The following PSD3 variants were observed in gnomAD, a reference collection of about 807,000 sequenced individuals.
PSD3 encodes the protein pleckstrin and Sec7 domain containing 3.
PSD3 carries 49 observed loss-of-function variants against 105.5 expected under a neutral mutation model. The observed-to-expected ratio is 0.46, with a 90% CI of 0.37 to 0.59. The LOEUF is 0.59. PSD3 is among the 20% of genes least tolerant of loss of function. PSD3 has a pLI of 0.00. For synonymous variants in PSD3, 557 were observed against 457.8 expected (o/e 1.22, Z -2.77); for missense variants, 1,561 against 1,263.8 (o/e 1.24, Z -3.57).
intron 9 of PSD3, among the ~76,000 whole-genome samples, chr8:18,700,527 T>C (rs1801516583): frequency 1.3e-5 from 2 of 152,124 alleles, no homozygotes; most frequent in South Asian, 4.2e-4. Flanking sequence ...AAAACAATAT[T>C]TGAGAAAATC....
At chr8:18,974,296 A>C (rs1824809522) in intron 1 of PSD3, among the ~76,000 whole-genome samples, 1 of 152,092 alleles carries the variant, frequency 6.6e-6, no homozygotes, top group Admixed American at 6.5e-5. Context: ...ATTCAAACCA[A>C]CCTCTGAGTT....
chr8:18,605,241 C>T (rs1285838722), intron 11 of PSD3, among the ~76,000 whole-genome samples: 1 of 152,160 alleles, frequency 6.6e-6, no homozygotes, highest in Non-Finnish European at 1.5e-5. Flanking sequence ...ACAGAGCTGT[C>T]CAATGCTGTG....
At chr8:18,949,514 A>C (rs1254523099) in intron 1 of PSD3, among the ~76,000 whole-genome samples, 1 of 151,968 alleles carries the variant, frequency 6.6e-6, no homozygotes, top group Non-Finnish European at 1.5e-5. Flanking sequence ...TTCTGTAAGA[A>C]ATACATGTCC....
intron 9 of PSD3, among the ~76,000 whole-genome samples, chr8:18,694,365 C>A (rs1277585272): frequency 6.6e-6 from 1 of 152,212 alleles, no homozygotes; most frequent in Admixed American, 6.5e-5. Context: ...AATCCCAGCA[C>A]TTTAGAAGGC....
At chr8:18,755,244 C>T (rs889785203) in intron 9 of PSD3, among the ~76,000 whole-genome samples, 3 of 152,000 alleles carry the variant, frequency 2.0e-5, no homozygotes, top group East Asian at 3.9e-4. Context: ...GCCTGGTCAA[C>T]ATGGTGAAAC....
chr8:18,577,366 T>G (rs1030949722), intron 12 of PSD3, among the ~76,000 whole-genome samples: 3 of 152,078 alleles, frequency 2.0e-5, no homozygotes, highest in African/African-American at 7.2e-5. Flanking sequence ...TACAAAAAAT[T>G]TATTCTTTGA....
chr8:18,589,721 C>A (rs1803456484), intron 12 of PSD3, among the ~76,000 whole-genome samples: 1 of 152,116 alleles, frequency 6.6e-6, no homozygotes, highest in Non-Finnish European at 1.5e-5. Context: ...CAAGAAGCAG[C>A]CCTGAAATGA....
chr8:18,697,542 C>A (rs536958415), intron 9 of PSD3, among the ~76,000 whole-genome samples: 1 of 152,090 alleles, frequency 6.6e-6, no homozygotes, highest in Non-Finnish European at 1.5e-5. Context: ...TATCAGAAGT[C>A]AACTTGGGAA....
At chr8:18,717,975 C>T (rs1002458286) in intron 9 of PSD3, among the ~76,000 whole-genome samples, 57 of 152,130 alleles carry the variant, frequency 3.7e-4, no homozygotes, top group African/African-American at 1.3e-3. Context: ...GCTTCCAAGA[C>T]GGCACCCAGC....
chr8:19,044,293 C>T (rs149653577), intron 1 of PSD3, among the ~76,000 whole-genome samples: 1 of 152,290 alleles, frequency 6.6e-6, no homozygotes, highest in Non-Finnish European at 1.5e-5. Flanking sequence ...TCTCCTCAAT[C>T]CACGCTATTT....
At chr8:18,797,106 G>A (rs749918584) in intron 8 of PSD3, among the ~76,000 whole-genome samples, 1 of 152,016 alleles carries the variant, frequency 6.6e-6, no homozygotes, top group African/African-American at 2.4e-5. Flanking sequence ...AGAGGAGAAA[G>A]ATAGAAGAAA....
At chr8:19,037,894 C>A (rs1043579368) in intron 1 of PSD3, among the ~76,000 whole-genome samples, 1 of 150,016 alleles carries the variant, frequency 6.7e-6, no homozygotes, top group Non-Finnish European at 1.5e-5. Context: ...AATCTCTCTA[C>A]ATATATTTAA....
At chr8:18,594,994 T>C (rs1803983839) in intron 12 of PSD3, among the ~76,000 whole-genome samples, 1 of 152,076 alleles carries the variant, frequency 6.6e-6, no homozygotes, top group South Asian at 2.1e-4. Flanking sequence ...AATGCTTTAA[T>C]GTTGTAATAG....
chr8:18,860,174 G>C (rs1816333700), intron 4 of PSD3, among the ~76,000 whole-genome samples: 1 of 152,214 alleles, frequency 6.6e-6, no homozygotes, highest in African/African-American at 2.4e-5. Context: ...GAGAGAGAGG[G>C]GGAACAGCTG....
intron 1 of PSD3, among the ~76,000 whole-genome samples, chr8:18,975,320 T>TAAA (rs1563479172): frequency 7.4e-5 from 9 of 121,336 alleles, no homozygotes; most frequent in East Asian, 2.2e-4. Context: ...TGAAATTTTT[T>TAAA]TTTTTTTTTT....
At chr8:18,796,028 C>T (rs1179245039) in intron 8 of PSD3, among the ~76,000 whole-genome samples, 1 of 152,052 alleles carries the variant, frequency 6.6e-6, no homozygotes, top group East Asian at 1.9e-4. Context: ...AATTATATAG[C>T]AAATTCACCA....
In PSD3 at chr8:19,072,251, G is replaced by A. The variant is rs191125112; in HGVS notation, c.324+11955C>T. Among the ~76,000 whole-genome samples, 302 of 151,606 alleles carry A rather than the reference G, an allele frequency of 2.0e-3. 2 individuals carry two copies. The highest frequency in any genetic ancestry group is 6.0e-4 in the Non-Finnish European group (41 of 67,934). Reference sequence around the variant, plus strand: ...CCAGTAGCTTGGGTTACAGGTGCCCGCCACCACGCCCAGCTAACTTTCTAG... The same window carrying A: ...CCAGTAGCTTGGGTTACAGGTGCCCACCACCACGCCCAGCTAACTTTCTAG... On this transcript the variant is annotated intron_variant, in intron 1 of 1. Transcript: ENST00000521475.
At chr8:18,959,613 G>C (rs1017058199) in intron 1 of PSD3, among the ~76,000 whole-genome samples, 1 of 151,934 alleles carries the variant, frequency 6.6e-6, no homozygotes, top group Non-Finnish European at 1.5e-5. Flanking sequence ...TTGCCTTTCT[G>C]CCCACACTCA....
At chr8:18,695,715 T>C (rs978833658) in intron 9 of PSD3, among the ~76,000 whole-genome samples, 1 of 152,166 alleles carries the variant, frequency 6.6e-6, no homozygotes, top group Non-Finnish European at 1.5e-5. Flanking sequence ...CAGAAAATAA[T>C]TTTGCATTAT....
Sources: gnomAD v4.1 joint callset for allele counts (sites outside exome capture counted in the v4.1 genomes callset) on GRCh38, gnomAD v4.1.1 for gene constraint, MANE v1.5 for transcripts, NCBI Gene and HGNC (gene_info 2026-07-23, HGNC 2026-07-21) for gene names.